NFKBIZ: variants seen among roughly 807,000 people sequenced by gnomAD.
NFKBIZ encodes the protein NFKB inhibitor zeta.
A neutral mutation model predicts 76.8 loss-of-function variants in NFKBIZ; 19 were observed. That is an observed-to-expected ratio of 0.25 (90% confidence interval 0.17 to 0.36). The LOEUF (loss-of-function observed/expected upper bound fraction) is 0.36, where lower values mean the gene tolerates loss of function less well. Among genes scored for constraint, NFKBIZ ranks in the 10% least tolerant of loss-of-function variants. The pLI is 1.00. For missense variants in NFKBIZ, 829 were observed against 910.9 expected (o/e 0.91, Z 1.16); for synonymous variants, 368 against 354.8 (o/e 1.04, Z -0.42).
chr3:101,838,667 A>C (rs1037222722), intron 2 of NFKBIZ, among the ~76,000 whole-genome samples: 1 of 152,262 alleles, frequency 6.6e-6, no homozygotes, highest in South Asian at 2.1e-4. Flanking sequence ...AAATGTAAGC[A>C]AAAGCAATTT....
intron 2 of NFKBIZ, among the ~76,000 whole-genome samples, chr3:101,844,463 C>A (rs1002540224): frequency 2.0e-5 from 3 of 152,074 alleles, no homozygotes; most frequent in African/African-American, 7.2e-5. Context: ...TTAGTTATAC[C>A]CATTGCTTTT....
At chr3:101,848,827 T>C (rs866865489), upstream of NFKBIZ, 1 of 152,246 alleles carries the variant, frequency 6.6e-6, no homozygotes, top group Non-Finnish European at 1.5e-5. Flanking sequence ...TGGCTGCACC[T>C]AAAACATTAT....
At chr3:101,837,052 A>G (rs1261147157) in intron 2 of NFKBIZ, among the ~76,000 whole-genome samples, 1 of 152,212 alleles carries the variant, frequency 6.6e-6, no homozygotes, top group Non-Finnish European at 1.5e-5. Context: ...TGGGTGCCAG[A>G]TCATATGAAC....
intron 1 of NFKBIZ, 93 bp downstream of exon 1, chr3:101,850,010 C>T: frequency 8.3e-7 from 1 of 1,201,164 alleles, no homozygotes; most frequent in Non-Finnish European, 1.1e-6. Flanking sequence ...GCCCCTGCGC[C>T]CTCCTTAGAG....
At chr3:101,829,822 TTAC>T (rs1306360391) in intron 2 of NFKBIZ, 1 of 152,160 alleles carries the variant, frequency 6.6e-6, no homozygotes, top group East Asian at 1.9e-4. Flanking sequence ...TGCTACAAAA[TTAC>T]TATGAATTTT....
At chr3:101,835,523 G>A (rs889147154) in intron 2 of NFKBIZ, among the ~76,000 whole-genome samples, 1 of 152,172 alleles carries the variant, frequency 6.6e-6, no homozygotes, top group Non-Finnish European at 1.5e-5. Flanking sequence ...GTGTTGGCAG[G>A]TTTGGTTTCT....
chr3:101,856,654 A>T, intron 9 of NFKBIZ: 1 of 155,730 alleles, frequency 6.4e-6, no homozygotes, highest in Non-Finnish European at 1.4e-5. Context: ...AAAATGCCTA[A>T]GTCATAAACC....
At chr3:101,856,640 G>A (rs1943054046) in intron 9 of NFKBIZ, 1 of 154,816 alleles carries the variant, frequency 6.5e-6, no homozygotes, top group Non-Finnish European at 1.4e-5. Flanking sequence ...GAGTATATGG[G>A]GGAAAAATGC....
chr3:101,837,545 G>A (rs1481821434), intron 2 of NFKBIZ, among the ~76,000 whole-genome samples: 1 of 151,506 alleles, frequency 6.6e-6, no homozygotes, highest in Non-Finnish European at 1.5e-5. Context: ...AATCATACAG[G>A]CCACAGAGCA....
At chr3:101,856,211 C>A (rs1418968980) in intron 9 of NFKBIZ, among the ~76,000 whole-genome samples, 2 of 152,108 alleles carry the variant, frequency 1.3e-5, no homozygotes, top group South Asian at 4.1e-4. Flanking sequence ...CCACCACACC[C>A]AGCTAATTTT....
At chr3:101,834,580 C>T (rs191618457) in intron 2 of NFKBIZ, among the ~76,000 whole-genome samples, 1,600 of 152,304 alleles carry the variant, frequency 0.011, 16 homozygotes, top group Middle Eastern at 0.037. Context: ...AGGCTGGCCT[C>T]GAACTCCTGA....
chr3:101,833,199 C>T (rs1942671905), intron 2 of NFKBIZ, among the ~76,000 whole-genome samples: 1 of 152,126 alleles, frequency 6.6e-6, no homozygotes, highest in Non-Finnish European at 1.5e-5. Context: ...AATGCAGTTC[C>T]ACATCTTAAA....
intron 2 of NFKBIZ, among the ~76,000 whole-genome samples, chr3:101,831,472 T>C (rs1942646034): frequency 6.6e-6 from 1 of 152,218 alleles, no homozygotes; most frequent in Non-Finnish European, 1.5e-5. Context: ...GTTGTCTTTT[T>C]GTGTCTTGCT....
At position 101,849,805 on chromosome 3, in the gene NFKBIZ, G is replaced by T. The variant is rs1370719991; in HGVS notation, c.177G>T (p.Ala59=). ...DASCSVLGPS[A]PGSPGSDSSD... is the part of the protein sequence containing the mutation. ...GCTGCTCGGTCTTGGGCCCCTCGGC[G>T]CCCGGCTCGCCCGGCTCCGACTCCT... The change falls in exon 1 of 12, where the codon GCG becomes GCT. Residue 59 remains alanine (A), a synonymous_variant. Coordinates refer to ENST00000326172, the MANE Select transcript of NFKBIZ (RefSeq NM_031419.4). 4.8e-6 allele frequency: 7 copies of T among 1,469,306 alleles called. No individual in the cohort carries two copies. Among genetic ancestry groups the T allele is most frequent in the South Asian group, 1.3e-5 (1 of 77,260 alleles). The allele number at this position is 1,469,306 out of a possible 1,614,324, so 91.0% of individuals were successfully genotyped here. A position where few individuals can be genotyped will look rare whatever the true frequency, so the allele number is the denominator to read the frequency against.
chr3:101,846,961 T>A (rs968927705), upstream of NFKBIZ, among the ~76,000 whole-genome samples: 1 of 152,192 alleles, frequency 6.6e-6, no homozygotes, highest in African/African-American at 2.4e-5. Context: ...TAAGTCCTAG[T>A]CAGAGTCTGA....
intron 2 of NFKBIZ, among the ~76,000 whole-genome samples, chr3:101,834,928 A>C (rs1942696475): frequency 6.6e-6 from 1 of 152,228 alleles, no homozygotes; most frequent in African/African-American, 2.4e-5. Flanking sequence ...GAAGGGTTCC[A>C]GACTTGACTC....
intron 1 of NFKBIZ, among the ~76,000 whole-genome samples, chr3:101,851,381 C>CA (rs1305868135): frequency 6.6e-6 from 1 of 152,114 alleles, no homozygotes; most frequent in Non-Finnish European, 1.5e-5. Context: ...TAAGTAATTC[C>CA]AAAAACAGTC....
chr3:101,853,355 T>A lies in NFKBIZ; in HGVS notation c.829T>A (p.Ser277Thr). The part of the protein sequence containing the change: ...QKCQPFQVRG[S>T]QQMIDQASLY... Reference sequence around the variant, plus strand: ...ATGCCAACCATTCCAAGTCAGGGGCTCCCAACAAATGATAGACCAGGCTTC... The same window carrying A: ...ATGCCAACCATTCCAAGTCAGGGGCACCCAACAAATGATAGACCAGGCTTC... Residue 277 changes from serine to threonine, a missense_variant, in exon 5 of 12, where the codon TCC (serine) becomes ACC (threonine). Physicochemically the swap from Ser to Thr is moderately conservative, Grantham distance 58. This residue lies in a region of NFKBIZ where 371 missense variants were observed against 332.3 expected (regional missense o/e 1.12). Transcript: ENST00000326172. The A allele has an allele frequency of 1.9e-6, 3 of 1,613,868 alleles. No individual in the cohort carries two copies. The highest frequency in any genetic ancestry group is 2.5e-6 in the Non-Finnish European group (3 of 1,179,978).
chr3:101,849,809 G>A lies in NFKBIZ; in HGVS notation c.181G>A (p.Gly61Ser), dbSNP rs997790777. Residue 61 changes from glycine to serine, a missense_variant, in exon 1 of 12, where the codon GGC (glycine) becomes AGC (serine). Coordinates refer to ENST00000326172, the MANE Select transcript of NFKBIZ (RefSeq NM_031419.4). ...SCSVLGPSAPGSPGSDSSDFS... is the reference protein window; with the variant it reads ...SCSVLGPSAPSSPGSDSSDFS... The stretch of plus-strand genomic sequence containing the variant: ...CTCGGTCTTGGGCCCCTCGGCGCCC[G>A]GCTCGCCCGGCTCCGACTCCTCCGA... 1.4e-6 allele frequency: 2 copies of A among 1,470,112 alleles called. No individual in the cohort carries two copies. The highest frequency in any genetic ancestry group is 1.5e-5 in the African/African-American group (1 of 68,104). 91.1% of individuals were successfully genotyped at this position (1,470,112 alleles called of 1,614,324 possible). A position where few individuals can be genotyped will look rare whatever the true frequency, so the allele number is the denominator to read the frequency against.
Sources: allele counts gnomAD v4.1 joint callset (sites outside exome capture counted in the v4.1 genomes callset), GRCh38; gene constraint gnomAD v4.1.1; regional missense constraint gnomAD v4.1.1; transcripts MANE v1.5; gene names NCBI Gene and HGNC (gene_info 2026-07-23, HGNC 2026-07-21).